SRSF11: variants seen among roughly 807,000 people sequenced by gnomAD.
The protein encoded by SRSF11 is serine/arginine-rich splicing factor 11.
A neutral mutation model predicts 56.0 loss-of-function variants in SRSF11; 9 were observed. The ratio of observed to expected loss-of-function variants is 0.16; its 90% confidence interval spans 0.10 to 0.28. The LOEUF is 0.28. Among genes scored for constraint, SRSF11 ranks in the 10% least tolerant of loss-of-function variants. The probability of loss-of-function intolerance (pLI) is 1.00; values close to 1 mark genes in which losing one functional copy is unlikely to be tolerated. For missense variants in SRSF11, 421 were observed against 600.7 expected, an observed-to-expected ratio of 0.70 and a Z score of 3.13; for synonymous variants, 222 against 215.3, an observed-to-expected ratio of 1.03 and a Z score of -0.27.
At chr1:70,218,948 C>T (rs561942184), upstream of SRSF11, 2 of 152,170 alleles carry the variant, frequency 1.3e-5, no homozygotes, top group East Asian at 1.9e-4. Flanking sequence ...TTTAGAAATA[C>T]AGTATAAAAG....
chr1:70,214,930 G>C (rs1222292451), intron 1 of SRSF11, among the ~76,000 whole-genome samples: 2 of 110,082 alleles, frequency 1.8e-5, no homozygotes, highest in African/African-American at 7.2e-5. Context: ...ACAGAGTCTT[G>C]CCCTGTCGCC....
intron 7 of SRSF11, among the ~76,000 whole-genome samples, chr1:70,243,428 T>C (rs1676010110): frequency 1.3e-5 from 2 of 149,930 alleles, no homozygotes; most frequent in South Asian, 4.2e-4. Context: ...AAGGGTCACT[T>C]GTGTGTGCCT....
intron 1 of SRSF11, 124 bp downstream of exon 1, chr1:70,221,963 G>T (rs1670741470): frequency 2.1e-6 from 3 of 1,459,984 alleles, no homozygotes; most frequent in African/African-American, 1.4e-5. Flanking sequence ...CTGGTGGCTG[G>T]TGGATTTACT....
intron 7 of SRSF11, among the ~76,000 whole-genome samples, chr1:70,242,151 G>A (rs1675577483): frequency 1.4e-5 from 2 of 145,210 alleles, no homozygotes; most frequent in South Asian, 4.5e-4. Context: ...CTTGGTGACA[G>A]CGAGACTCCG....
At chr1:70,227,854 A>G (rs942640123) in intron 1 of SRSF11, among the ~76,000 whole-genome samples, 2 of 152,166 alleles carry the variant, frequency 1.3e-5, no homozygotes, top group African/African-American at 4.8e-5. Context: ...TTTTATCTGA[A>G]AGTGCTCCAA....
intron 1 of SRSF11, among the ~76,000 whole-genome samples, chr1:70,207,779 A>G (rs1433747739): frequency 1.3e-5 from 2 of 150,498 alleles, no homozygotes; most frequent in African/African-American, 4.9e-5. Context: ...ATGATGAAGT[A>G]CAGTGGTGCG....
At chr1:70,205,784 A>T in intron 1 of SRSF11, 1 of 438,384 alleles carries the variant, frequency 2.3e-6, no homozygotes, top group South Asian at 4.9e-5. Flanking sequence ...CAATCAAGTA[A>T]GTGCGTTTAA....
rs569751104 is a variant in SRSF11 at position 70,211,876 on chromosome 1, C to G, written c.-26+6096C>G. Among the ~76,000 whole-genome samples the G allele has an allele frequency of 2.0e-4, 31 of 152,246 alleles. No homozygotes were observed. In the South Asian group the frequency reaches 6.4e-3, roughly 32 times the overall value. On this transcript the variant is annotated intron_variant, in intron 1 of 12. Transcript: ENST00000370950. ...TTACATTTATCAGCCATCAATACAA[C>G]TTTATGGCCATCTTAGAGGTGCTGA...
At chr1:70,234,910 TA>T (rs1673618852) in intron 4 of SRSF11, 122 bp downstream of exon 4, 1 of 740,764 alleles carries the variant, frequency 1.3e-6, no homozygotes, top group Admixed American at 3.1e-5. Flanking sequence ...TTTTCTTGTT[TA>T]AACTTGTCAG....
chr1:70,243,505 T>A (rs755609803), intron 7 of SRSF11, among the ~76,000 whole-genome samples: 30 of 152,130 alleles, frequency 2.0e-4, no homozygotes, highest in Non-Finnish European at 4.3e-4. Flanking sequence ...GTGATAGAGG[T>A]GTTACTATCC....
In SRSF11 at chr1:70,237,434, T is replaced by C. The variant is rs571799835; in HGVS notation, c.600T>C (p.His200=). 3.0e-5 allele frequency: 48 copies of C among 1,613,338 alleles called. No individual in the cohort carries two copies. In the Admixed American group the frequency reaches 3.0e-4, roughly 10 times the overall value. ...CTTGGTTCTGTTTCAGGTTGAATCATGTAGCTGCTGGTCTCGTTTCACCAA... is the reference window on the plus strand; with the variant it reads ...CTTGGTTCTGTTTCAGGTTGAATCACGTAGCTGCTGGTCTCGTTTCACCAA... ...LMSTVDPKLN[H]VAAGLVSPSL... is the part of the protein sequence containing the mutation. Residue 200 remains histidine, a synonymous_variant, in exon 6 of 12, where the codon CAT becomes CAC. Transcript: ENST00000370949.
At chr1:70,210,308 C>A (rs1241742947) in intron 1 of SRSF11, among the ~76,000 whole-genome samples, 1 of 152,034 alleles carries the variant, frequency 6.6e-6, no homozygotes, top group Admixed American at 6.6e-5. Context: ...AGGCTCATGC[C>A]ACCACATTCA....
At position 70,244,631 on chromosome 1, in the gene SRSF11, T is replaced by C. The variant is rs967902683; in HGVS notation, c.801-53T>C. The C allele has an allele frequency of 8.3e-6, 13 of 1,570,252 alleles. No individual in the cohort carries two copies. In the East Asian group the frequency reaches 2.3e-4, roughly 27 times the overall value. On this transcript the variant is annotated intron_variant, in intron 7 of 11. Coordinates refer to ENST00000370949, the MANE Select transcript of SRSF11 (RefSeq NM_001350605.2). Reference sequence around the variant, plus strand: ...TTTTGTCTGATACTAAGCACAAAATTTATAGTCTTTTTACATTTATACACA... The same window carrying C: ...TTTTGTCTGATACTAAGCACAAAATCTATAGTCTTTTTACATTTATACACA...
Position 70,235,558 on chromosome 1 carries a change from T to A in SRSF11, c.590+8T>A, listed in dbSNP as rs542533140. 1 of 1,609,160 alleles carries A rather than the reference T, an allele frequency of 6.2e-7. No individual in the cohort carries two copies. Among genetic ancestry groups the A allele is most frequent in the South Asian group, 1.1e-5 (1 of 89,474 alleles). On this transcript the variant is annotated splice_region_variant and intron_variant, in intron 5 of 11. Coordinates refer to ENST00000370949, the MANE Select transcript of SRSF11 (RefSeq NM_001350605.2). ...GAGTACTGTTGATCCCAAGTAAGCG[T>A]TTTTTCTTTGTTTTCATTGGTGATG...
chr1:70,229,487 A>G, intron 2 of SRSF11: 2 of 985,166 alleles, frequency 2.0e-6, no homozygotes, highest in Non-Finnish European at 2.4e-6. Context: ...GGCGTATTTT[A>G]TAATTAGTTT....
At chr1:70,247,855 G>C (rs539356287) in intron 9 of SRSF11, among the ~76,000 whole-genome samples, 4 of 151,990 alleles carry the variant, frequency 2.6e-5, no homozygotes, top group African/African-American at 9.7e-5. Context: ...AAATGGCAAA[G>C]AATCTGTAGC....
At chr1:70,243,948 T>C (rs1196549646) in intron 7 of SRSF11, among the ~76,000 whole-genome samples, 1 of 152,050 alleles carries the variant, frequency 6.6e-6, no homozygotes, top group African/African-American at 2.4e-5. Context: ...AGGTTAATTG[T>C]GCTTCTTAGT....
chr1:70,244,150 G>A (rs1239214007), intron 7 of SRSF11, among the ~76,000 whole-genome samples: 1 of 152,124 alleles, frequency 6.6e-6, no homozygotes, highest in Non-Finnish European at 1.5e-5. Flanking sequence ...AGAAAAATTC[G>A]AAATAGGAGA....
intron 6 of SRSF11, 59 bp from the exon 7 acceptor site, chr1:70,239,380 C>T (rs1674814331): frequency 8.1e-7 from 1 of 1,241,656 alleles, no homozygotes; most frequent in Non-Finnish European, 1.1e-6. Context: ...GCATGAGCCA[C>T]TGCGTCTGGC....
Sources: gnomAD v4.1 joint callset for allele counts (sites outside exome capture counted in the v4.1 genomes callset) on GRCh38, gnomAD v4.1.1 for gene constraint, MANE v1.5 for transcripts, NCBI Gene and HGNC (gene_info 2026-07-23, HGNC 2026-07-21) for gene names.